Variants in GNL3L observed in about 807,000 individuals in gnomAD.
GNL3L encodes guanine nucleotide-binding protein-like 3-like protein.
In GNL3L, 4 loss-of-function variants were observed where a neutral mutation model predicts 42.9. That is an observed-to-expected ratio of 0.09 (90% confidence interval 0.05 to 0.21). The LOEUF (loss-of-function observed/expected upper bound fraction) is 0.21. Ranked by LOEUF, GNL3L falls within the 10% of genes least tolerant of loss-of-function variation. The pLI is 1.00. For synonymous variants in GNL3L, 159 were observed against 176.3 expected (o/e 0.90, Z 0.78); for missense variants, 412 against 481.7 (o/e 0.86, Z 1.36).
intron 16 of GNL3L, among the ~76,000 whole-genome samples, chrX:54,614,642 T>C (rs1926201406): frequency 1.8e-5 from 2 of 111,157 alleles, no homozygotes; most frequent in Non-Finnish European, 3.8e-5. Flanking sequence ...CTAAATTGAC[T>C]CAACTCCAGG....
chrX:54,632,093 A>G, the GNL3L span, among the ~76,000 whole-genome samples: 1 of 112,309 alleles, frequency 8.9e-6, no homozygotes, highest in Non-Finnish European at 1.9e-5. Context: ...GGCTAAAAAT[A>G]GGACCTCAAT....
chrX:54,564,228 T>TATAC lies in GNL3L; in HGVS notation c.*3628_*3631dup, dbSNP rs1925352415. Reference sequence around the variant, plus strand: ...TACATTACAGTAAAATTCACTCTGGTATACAGTTCTATAAAGCTCTGATAA... The same window carrying TATAC: ...TACATTACAGTAAAATTCACTCTGGTATACATACAGTTCTATAAAGCTCTGATAA... On this transcript the variant is annotated 3_prime_UTR_variant, in exon 16 of 16. Coordinates refer to ENST00000360845, the MANE Select transcript of GNL3L (RefSeq NM_001184819.2). Among the ~76,000 whole-genome samples, 1 of 110,624 alleles carries TATAC rather than the reference T, an allele frequency of 9.0e-6. No homozygotes were observed. The highest frequency in any genetic ancestry group is 9.7e-5 in the Admixed American group (1 of 10,285).
chrX:54,596,872 A>G (rs990537337), intron 16 of GNL3L, among the ~76,000 whole-genome samples: 4 of 111,236 alleles, frequency 3.6e-5, no homozygotes, highest in Non-Finnish European at 5.7e-5. Flanking sequence ...ACTACTGCCT[A>G]TGTTCCCTTA....
intron 16 of GNL3L, among the ~76,000 whole-genome samples, chrX:54,585,004 G>A (rs1384952409): frequency 9.0e-6 from 1 of 111,611 alleles, no homozygotes; most frequent in Non-Finnish European, 1.9e-5. Context: ...GGCTGGTCTC[G>A]AGCTCCTGAC....
chrX:54,642,071 C>T, the GNL3L span, among the ~76,000 whole-genome samples: 6 of 111,917 alleles, frequency 5.4e-5, no homozygotes, highest in Non-Finnish European at 1.1e-4. Flanking sequence ...ATTTCTGATT[C>T]GTGATCTAGC....
chrX:54,636,933 G>A, the GNL3L span, among the ~76,000 whole-genome samples: 1 of 112,025 alleles, frequency 8.9e-6, no homozygotes, highest in South Asian at 3.7e-4. Flanking sequence ...TCTGTTTTAA[G>A]TTCTTTGAGA....
At chrX:54,591,292 T>TA (rs1224461146) in intron 16 of GNL3L, among the ~76,000 whole-genome samples, 1 of 110,879 alleles carries the variant, frequency 9.0e-6, no homozygotes, top group South Asian at 3.8e-4. Flanking sequence ...GGCACCTTTG[T>TA]AAAAAATGAG....
chrX:54,534,865 G>C lies in GNL3L; in HGVS notation c.19+2280G>C, dbSNP rs182761576. On this transcript the variant is annotated intron_variant, in intron 2 of 15. Coordinates refer to ENST00000360845, the MANE Select transcript of GNL3L (RefSeq NM_001184819.2). ...TCCAAGTGATGTGTTTTCTTTCACT[G>C]TGTGCTTGTATCCATTGCAGGCACT... Among the ~76,000 whole-genome samples the C allele has an allele frequency of 8.5e-4, 93 of 109,602 alleles. No individual in the cohort carries two copies. The South Asian group carries it at 0.013, about 15-fold the overall frequency.
intron 16 of GNL3L, among the ~76,000 whole-genome samples, chrX:54,606,641 A>ATTTTT (rs762901505): frequency 1.0e-5 from 1 of 99,668 alleles, no homozygotes. Context: ...ATGCCAGGCC[A>ATTTTT]ATTTTTTTTT....
At chrX:54,600,476 T>C (rs1025188516) in intron 16 of GNL3L, among the ~76,000 whole-genome samples, 2 of 109,691 alleles carry the variant, frequency 1.8e-5, no homozygotes, top group African/African-American at 6.6e-5. Flanking sequence ...TCTGCCTGCC[T>C]CAGCCTCCCA....
chrX:54,589,928 A>ATT (rs964655380), intron 16 of GNL3L, among the ~76,000 whole-genome samples: 1 of 101,660 alleles, frequency 9.8e-6, no homozygotes, highest in Non-Finnish European at 2.0e-5. Flanking sequence ...GTTACAAGCC[A>ATT]TTTTTTTTTT....
At chrX:54,581,119 A>G (rs1925709028) in intron 16 of GNL3L, among the ~76,000 whole-genome samples, 1 of 112,440 alleles carries the variant, frequency 8.9e-6, no homozygotes, top group Admixed American at 9.4e-5. Flanking sequence ...ACAAAACAAT[A>G]CTGAGAAATT....
the GNL3L span, among the ~76,000 whole-genome samples, chrX:54,631,305 A>G: frequency 9.0e-6 from 1 of 111,079 alleles, no homozygotes; most frequent in Non-Finnish European, 1.9e-5. Context: ...TTCTGTCTTG[A>G]TGACCTGTCT....
chrX:54,547,000 CTTT>C (rs748207972), intron 8 of GNL3L, among the ~76,000 whole-genome samples: 1 of 91,911 alleles, frequency 1.1e-5, no homozygotes. Flanking sequence ...TTTTTTTTTT[CTTT>C]TTTTTTTTTT....
chrX:54,613,234 G>A (rs1358137834), intron 16 of GNL3L, among the ~76,000 whole-genome samples: 1 of 111,147 alleles, frequency 9.0e-6, no homozygotes, highest in Non-Finnish European at 1.9e-5. Context: ...TGAGACTTTC[G>A]CAGAGCATTT....
chrX:54,644,475 T>C, the GNL3L span, among the ~76,000 whole-genome samples: 1 of 112,195 alleles, frequency 8.9e-6, no homozygotes, highest in Non-Finnish European at 1.9e-5. Context: ...TAGCTTCTTT[T>C]CCTTTCAAAT....
At chrX:54,613,440 A>G (rs1347192492) in intron 16 of GNL3L, among the ~76,000 whole-genome samples, 1 of 111,194 alleles carries the variant, frequency 9.0e-6, no homozygotes, top group Non-Finnish European at 1.9e-5. Context: ...CAGATAAATC[A>G]GGGACTTCTT....
chrX:54,616,452 A>G (rs1443261475), intron 16 of GNL3L, among the ~76,000 whole-genome samples: 2 of 112,023 alleles, frequency 1.8e-5, no homozygotes, highest in African/African-American at 6.5e-5. Flanking sequence ...TTAGTCACTC[A>G]CACTCACTAA....
Position 54,606,640 on chromosome X carries a change from CA to C in GNL3L, c.*46-14203del, listed in dbSNP as rs149453335. Among the ~76,000 whole-genome samples, 173 of 96,188 alleles carry C rather than the reference CA, an allele frequency of 1.8e-3. 2 individuals carry two copies. The highest frequency in any genetic ancestry group is 5.8e-3 in the African/African-American group (155 of 26,817). The allele number at this position is 96,188 out of a possible 115,157, so 83.5% of individuals were successfully genotyped here. A position where few individuals can be genotyped will look rare whatever the true frequency, so the allele number is the denominator to read the frequency against. On this transcript the variant is annotated intron_variant, in intron 16 of 16. Transcript: ENST00000674498. ...ATAGGTGTGTGCCACTATGCCAGGC[CA>C]ATTTTTTTTTTTTTTTTGAGGCAGG...
Sources: gnomAD v4.1 joint callset for allele counts (sites outside exome capture counted in the v4.1 genomes callset) on GRCh38, gnomAD v4.1.1 for gene constraint, MANE v1.5 for transcripts, NCBI Gene and HGNC (gene_info 2026-07-23, HGNC 2026-07-21) for gene names.